The following ADAM32 variants were observed in gnomAD, a reference collection of about 807,000 sequenced individuals.
The protein encoded by ADAM32 is ADAM metallopeptidase domain 32.
Under a neutral mutation model 114.9 loss-of-function variants are expected in ADAM32, and 89 were observed. The ratio of observed to expected loss-of-function variants is 0.77; its 90% CI spans 0.65 to 0.92. The LOEUF is 0.92. ADAM32 is among the 40% of genes least tolerant of loss of function. ADAM32 has a pLI of 0.00. For synonymous variants in ADAM32, 285 were observed against 307.5 expected (o/e 0.93, Z 0.77); for missense variants, 870 against 932.8 (o/e 0.93, Z 0.88).
At chr8:39,257,491 C>T in intron 19 of ADAM32, 148 bp downstream of exon 19, 1 of 1,009,556 alleles carries the variant, frequency 9.9e-7, no homozygotes, top group Non-Finnish European at 1.4e-6. Context: ...TATGAGGTAG[C>T]TGTGAATACC....
intron 18 of ADAM32, among the ~76,000 whole-genome samples, chr8:39,254,827 A>G (rs141145160): frequency 0.054 from 8,171 of 151,842 alleles, 753 homozygotes; most frequent in African/African-American, 0.19. Flanking sequence ...AGCAGTGTAT[A>G]CTGTACCCAA....
chr8:39,228,083 A>G lies in ADAM32; in HGVS notation c.1526-3944A>G, dbSNP rs1020615710. On this transcript the variant is annotated intron_variant, in intron 14 of 24. Coordinates refer to ENST00000379907, the MANE Select transcript of ADAM32 (RefSeq NM_145004.7). ...GGCTAGACCCAGAAGAGAGACAACAATCACTGCAGTTCGGCTCATAGGAAG... is the reference window on the plus strand; with the variant it reads ...GGCTAGACCCAGAAGAGAGACAACAGTCACTGCAGTTCGGCTCATAGGAAG... Among the ~76,000 whole-genome samples, 8 of 152,274 alleles carry G rather than the reference A, an allele frequency of 5.3e-5. No homozygotes were observed. The South Asian group carries it at 1.2e-3, about 24-fold the overall frequency.
intron 16 of ADAM32, among the ~76,000 whole-genome samples, chr8:39,244,286 C>T (rs1189719710): frequency 6.6e-6 from 1 of 151,960 alleles, no homozygotes; most frequent in African/African-American, 2.4e-5. Flanking sequence ...TCATATGGAA[C>T]CAAAAAAGAG....
At chr8:39,276,720 C>T (rs1347232570) in intron 22 of ADAM32, among the ~76,000 whole-genome samples, 2 of 152,078 alleles carry the variant, frequency 1.3e-5, no homozygotes, top group African/African-American at 4.8e-5. Flanking sequence ...TTTTTCCTTA[C>T]AGTGGCACGT....
At chr8:39,126,128 G>A (rs1401685469) in intron 2 of ADAM32, among the ~76,000 whole-genome samples, 5 of 152,110 alleles carry the variant, frequency 3.3e-5, no homozygotes, top group Non-Finnish European at 5.9e-5. Context: ...GCTCGAGTTC[G>A]GGTCTTGGCT....
At chr8:39,278,453 C>T (rs1255053688) in intron 22 of ADAM32, among the ~76,000 whole-genome samples, 1 of 152,178 alleles carries the variant, frequency 6.6e-6, no homozygotes, top group Non-Finnish European at 1.5e-5. Flanking sequence ...GTATGGGTCA[C>T]ATTAGTACTA....
At chr8:39,122,139 G>T (rs1446685433) in intron 2 of ADAM32, among the ~76,000 whole-genome samples, 3 of 152,164 alleles carry the variant, frequency 2.0e-5, no homozygotes, top group African/African-American at 7.2e-5. Context: ...CCTGATTTAA[G>T]TGACATTTAG....
At chr8:39,191,685 CCTGTT>C (rs1274760252) in intron 11 of ADAM32, among the ~76,000 whole-genome samples, 3 of 152,036 alleles carry the variant, frequency 2.0e-5, no homozygotes, top group African/African-American at 7.2e-5. Context: ...AATATTTTCT[CCTGTT>C]CTGTAAGCTG....
intron 19 of ADAM32, among the ~76,000 whole-genome samples, chr8:39,269,880 G>T (rs1377353789): frequency 6.6e-6 from 1 of 152,186 alleles, no homozygotes; most frequent in African/African-American, 2.4e-5. Context: ...TTGACTCACA[G>T]CATGGCTGGG....
rs192303269 is a variant in ADAM32 at position 39,145,727 on chromosome 8, A to C, written c.201-1403A>C. On this transcript the variant is annotated intron_variant, in intron 3 of 24. Transcript: ENST00000379907. Reference sequence around the variant, plus strand: ...TTTTTGTTTAATGTATTTTAAAATTATTTTTATTATTTATTTATTTTTGAG... The same window carrying C: ...TTTTTGTTTAATGTATTTTAAAATTCTTTTTATTATTTATTTATTTTTGAG... 3.9e-5 allele frequency among the ~76,000 whole-genome samples: 6 copies of C among 151,960 alleles called. No homozygotes were observed. The East Asian group carries it at 9.6e-4, about 24-fold the overall frequency.
intron 6 of ADAM32, among the ~76,000 whole-genome samples, chr8:39,153,139 T>C (rs1803941112): frequency 6.6e-6 from 1 of 152,252 alleles, no homozygotes; most frequent in Non-Finnish European, 1.5e-5. Context: ...TTATTTTCTG[T>C]CTCTGTGTAG....
Position 39,186,791 on chromosome 8 carries a change from A to T in ADAM32, c.916-118A>T, listed in dbSNP as rs557385676. 5 of 861,554 alleles carry T rather than the reference A, an allele frequency of 5.8e-6. No homozygotes were observed. In the South Asian group the frequency reaches 1.3e-4, roughly 22 times the overall value. 53.4% of individuals were successfully genotyped at this position (861,554 alleles called of 1,614,324 possible). On this transcript the variant is annotated intron_variant, in intron 10 of 24. Transcript: ENST00000379907. ...CAGCTTCTCACCTGTTCAAGGATCC[A>T]TATCTCCCTAATTCTTTAGCATTTG...
intron 1 of ADAM32, among the ~76,000 whole-genome samples, chr8:39,114,443 T>C (rs534926840): frequency 6.6e-6 from 1 of 152,370 alleles, no homozygotes; most frequent in African/African-American, 2.4e-5. Flanking sequence ...GTCCTCGTGG[T>C]GATTGCATCA....
At position 39,233,937 on chromosome 8, in the gene ADAM32, C is replaced by T. The variant is rs1429842833; in HGVS notation, c.1673C>T (p.Thr558Ile). 6.3e-7 allele frequency: 1 copy of T among 1,590,038 alleles called. No individual in the cohort carries two copies. Among genetic ancestry groups the T allele is most frequent in the Non-Finnish European group, 8.6e-7 (1 of 1,167,460 alleles). Residue 558 changes from threonine to isoleucine, a missense_variant, in exon 16 of 25, where the codon ACT (threonine) becomes ATT (isoleucine). Coordinates refer to ENST00000379907, the MANE Select transcript of ADAM32 (RefSeq NM_145004.7). ...ICGRLVCTYP[T>I]RKPFHQENGD... Reference sequence around the variant, plus strand: ...GGAAGATTAGTTTGTACCTACCCTACTCGAAAGCCTTTCCATCAAGAAAAT... The same window carrying T: ...GGAAGATTAGTTTGTACCTACCCTATTCGAAAGCCTTTCCATCAAGAAAAT...
chr8:39,202,992 A>C (rs1807536300), intron 11 of ADAM32, among the ~76,000 whole-genome samples: 1 of 152,212 alleles, frequency 6.6e-6, no homozygotes, highest in Non-Finnish European at 1.5e-5. Context: ...CTGTAGTCTG[A>C]GAGACAGTTT....
At chr8:39,252,702 A>G (rs1249171441) in intron 17 of ADAM32, among the ~76,000 whole-genome samples, 1 of 151,616 alleles carries the variant, frequency 6.6e-6, no homozygotes, top group Non-Finnish European at 1.5e-5. Context: ...AAAAAAAGAA[A>G]TAAGACTCAA....
intron 19 of ADAM32, among the ~76,000 whole-genome samples, chr8:39,261,489 C>T (rs1812025574): frequency 6.6e-6 from 1 of 152,184 alleles, no homozygotes; most frequent in South Asian, 2.1e-4. Flanking sequence ...CGTATCTTGA[C>T]TATTATAAAT....
intron 11 of ADAM32, among the ~76,000 whole-genome samples, chr8:39,205,528 C>T (rs1308318847): frequency 6.6e-6 from 1 of 152,232 alleles, no homozygotes; most frequent in South Asian, 2.1e-4. Flanking sequence ...GTCACAGCTT[C>T]GCTTGGTTAG....
At chr8:39,253,753 A>C (rs548611378) in intron 17 of ADAM32, among the ~76,000 whole-genome samples, 1 of 151,818 alleles carries the variant, frequency 6.6e-6, no homozygotes, top group East Asian at 1.9e-4. Context: ...TGAAACATGA[A>C]AAAAAGTAAA....
Sources: allele counts gnomAD v4.1 joint callset (sites outside exome capture counted in the v4.1 genomes callset), GRCh38; gene constraint gnomAD v4.1.1; transcripts MANE v1.5; gene names NCBI Gene and HGNC (gene_info 2026-07-23, HGNC 2026-07-21).